Variants in SIRT4 observed in about 807,000 individuals in gnomAD.
SIRT4 encodes sirtuin 4.
A neutral mutation model predicts 26.1 loss-of-function variants in SIRT4; 23 were observed. The observed-to-expected ratio is 0.88, with a 90% confidence interval of 0.63 to 1.25. The LOEUF is 1.25. Ranked by LOEUF, SIRT4 falls within the 50% of genes most tolerant of loss-of-function variation. SIRT4 has a pLI of 0.00. For missense variants in SIRT4, 361 were observed against 405.4 expected (o/e 0.89, Z 0.94); for synonymous variants, 155 against 158.4 (o/e 0.98, Z 0.16).
chr12:120,301,654 T>A (rs574095524), upstream of SIRT4, among the ~76,000 whole-genome samples: 49 of 150,540 alleles, frequency 3.3e-4, no homozygotes, highest in Non-Finnish European at 6.6e-4. Context: ...ACAAAAACTT[T>A]AAAAAAAAGT....
chr12:120,310,989 C>G (rs1454617974), intron 2 of SIRT4, among the ~76,000 whole-genome samples: 2 of 142,992 alleles, frequency 1.4e-5, no homozygotes, highest in Non-Finnish European at 3.1e-5. Context: ...CCCGCCTCGG[C>G]CTCCCAAAGT....
chr12:120,304,142 T>C (rs1872654330), intron 2 of SIRT4, 84 bp downstream of exon 2: 1 of 1,486,490 alleles, frequency 6.7e-7, no homozygotes, highest in African/African-American at 1.4e-5. Context: ...ATCACCACAG[T>C]CTTAGACCTT....
chr12:120,293,202 A>G, the SIRT4 span: 4 of 152,080 alleles, frequency 2.6e-5, no homozygotes, highest in African/African-American at 4.8e-5. Context: ...CCTCGGATAG[A>G]CCTCATTGGC....
At chr12:120,297,810 C>T (rs1382593102), upstream of SIRT4, among the ~76,000 whole-genome samples, 1 of 152,108 alleles carries the variant, frequency 6.6e-6, no homozygotes, top group Non-Finnish European at 1.5e-5. Context: ...TGTCACTGTT[C>T]TCACATTTTT....
chr12:120,307,881 CAAAGA>C lies in SIRT4; in HGVS notation c.497+3828_497+3832del, dbSNP rs1229201995. ...CTCAAAAAACAACCAAGCAAACAAACAAAGAAAAGCACATAATTAATGATAAATGA... is the reference window on the plus strand; with the variant it reads ...CTCAAAAAACAACCAAGCAAACAAACAAAGCACATAATTAATGATAAATGA... On this transcript the variant is annotated intron_variant, in intron 2 of 3. Transcript: ENST00000202967. Among the ~76,000 whole-genome samples the C allele has an allele frequency of 3.3e-5, 5 of 152,136 alleles. No homozygotes were observed. In the East Asian group the frequency reaches 7.7e-4, roughly 23 times the overall value.
chr12:120,295,874 T>C, the SIRT4 span, among the ~76,000 whole-genome samples: 14 of 151,616 alleles, frequency 9.2e-5, no homozygotes, highest in African/African-American at 3.4e-4. Flanking sequence ...CCTGGTAACA[T>C]GGCGACATCC....
Position 120,312,873 on chromosome 12 carries a change from T to C in SIRT4, c.793-11T>C. ...CCTAGACATTCTTATGTGTGTCTTT[T>C]CTCCGTGCAGGTATACTCTGGTTAC... On this transcript the variant is annotated splice_polypyrimidine_tract_variant and intron_variant, in intron 3 of 3. Coordinates refer to ENST00000202967, the MANE Select transcript of SIRT4 (RefSeq NM_012240.3). 2 of 1,613,940 alleles carry C rather than the reference T, an allele frequency of 1.2e-6. No homozygotes were observed. The highest frequency in any genetic ancestry group is 1.7e-6 in the Non-Finnish European group (2 of 1,179,928).
At chr12:120,292,885 A>G in the SIRT4 span, among the ~76,000 whole-genome samples, 5 of 152,206 alleles carry the variant, frequency 3.3e-5, no homozygotes, top group African/African-American at 4.8e-5. Context: ...TTTACCTTAA[A>G]AGTAGAGATC....
chr12:120,300,370 T>C (rs980651833), upstream of SIRT4, among the ~76,000 whole-genome samples: 17 of 151,952 alleles, frequency 1.1e-4, no homozygotes, highest in Middle Eastern at 3.2e-3. Flanking sequence ...AAAGATACAA[T>C]GATAGAACCA....
chr12:120,294,883 A>G, the SIRT4 span, among the ~76,000 whole-genome samples: 2 of 148,236 alleles, frequency 1.3e-5, no homozygotes, highest in Non-Finnish European at 3.0e-5. Context: ...GCTGGAGTAC[A>G]TAGACTCAAT....
intron 2 of SIRT4, among the ~76,000 whole-genome samples, 180 bp downstream of exon 2, chr12:120,304,238 A>G (rs1476720877): frequency 6.6e-6 from 1 of 152,220 alleles, no homozygotes; most frequent in Admixed American, 6.5e-5. Flanking sequence ...AACAGGAAAG[A>G]GAGGAAAGCC....
chr12:120,299,403 T>C (rs1872464333), upstream of SIRT4, among the ~76,000 whole-genome samples: 1 of 142,100 alleles, frequency 7.0e-6, no homozygotes, highest in Admixed American at 7.0e-5. Flanking sequence ...AATACAAAAA[T>C]TAGCCGGGCG....
At chr12:120,300,866 C>T (rs368897795), upstream of SIRT4, among the ~76,000 whole-genome samples, 9 of 152,064 alleles carry the variant, frequency 5.9e-5, no homozygotes, top group East Asian at 3.9e-4. Flanking sequence ...TGCTGCAGAG[C>T]GGCAGTTCTG....
chr12:120,307,024 A>G (rs1872768219), intron 2 of SIRT4, among the ~76,000 whole-genome samples: 1 of 152,176 alleles, frequency 6.6e-6, no homozygotes, highest in South Asian at 2.1e-4. Context: ...GGGTCTGGCA[A>G]TAATTGTAGC....
At chr12:120,303,530 A>C in intron 1 of SIRT4, 31 bp from the exon 2 acceptor site, 1 of 1,546,334 alleles carries the variant, frequency 6.5e-7, no homozygotes, top group South Asian at 1.3e-5. Context: ...AAACCACCCC[A>C]GTTTCTCACA....
At chr12:120,312,788 C>T (rs200922698) in intron 3 of SIRT4, 38 bp downstream of exon 3, 54 of 1,604,976 alleles carry the variant, frequency 3.4e-5, no homozygotes, top group Middle Eastern at 3.3e-4. Flanking sequence ...ACCCCTTGTG[C>T]GGGATTGGGA....
intron 2 of SIRT4, among the ~76,000 whole-genome samples, chr12:120,308,051 C>G (rs1872810828): frequency 6.6e-6 from 1 of 151,326 alleles, no homozygotes; most frequent in Admixed American, 6.6e-5. Flanking sequence ...GAGACAGGAT[C>G]TTGCTGTGTT....
intron 2 of SIRT4, 104 bp from the exon 3 acceptor site, chr12:120,312,352 A>C (rs1279726847): frequency 5.6e-6 from 6 of 1,072,260 alleles, no homozygotes; most frequent in Admixed American, 4.6e-5. Flanking sequence ...TTAGGGAAAG[A>C]AAGCAGCGAT....
chr12:120,298,356 CACA>C (rs1440359187), upstream of SIRT4, among the ~76,000 whole-genome samples: 1 of 152,108 alleles, frequency 6.6e-6, no homozygotes, highest in Non-Finnish European at 1.5e-5. Context: ...CGCCCGTAAT[CACA>C]ACACTTTGGA....
Sources: gnomAD v4.1 joint callset for allele counts (sites outside exome capture counted in the v4.1 genomes callset) on GRCh38, gnomAD v4.1.1 for gene constraint, MANE v1.5 for transcripts, NCBI Gene and HGNC (gene_info 2026-07-23, HGNC 2026-07-21) for gene names.